The following TAFA5 variants were observed in gnomAD, a reference collection of about 807,000 sequenced individuals.
TAFA5 encodes the protein chemokine-like protein TAFA-5.
In TAFA5, 6 loss-of-function variants were observed where a neutral mutation model predicts 15.3. That is an observed-to-expected ratio of 0.39 (90% CI 0.21 to 0.77). The LOEUF is 0.77. Among genes scored for constraint, TAFA5 ranks in the 30% least tolerant of loss-of-function variants. The probability of loss-of-function intolerance (pLI) is 0.41; values close to 1 mark genes in which losing one functional copy is unlikely to be tolerated. For missense variants in TAFA5, 161 were observed against 193.1 expected, an observed-to-expected ratio of 0.83 and a Z score of 0.98; for synonymous variants, 103 against 80.7, an observed-to-expected ratio of 1.28 and a Z score of -1.48.
chr22:48,706,804 C>G (rs984084558), intron 2 of TAFA5, among the ~76,000 whole-genome samples: 1 of 152,172 alleles, frequency 6.6e-6, no homozygotes, highest in Non-Finnish European at 1.5e-5. Flanking sequence ...AATGACTAAT[C>G]GTTCTTTTGA....
chr22:48,713,804 G>T (rs1253568805), intron 3 of TAFA5, among the ~76,000 whole-genome samples: 1 of 152,242 alleles, frequency 6.6e-6, no homozygotes, highest in Non-Finnish European at 1.5e-5. Flanking sequence ...GAGCCTGGAG[G>T]AGGGGCCCAT....
intron 2 of TAFA5, among the ~76,000 whole-genome samples, chr22:48,701,763 A>T (rs550604257): frequency 4.7e-4 from 72 of 152,154 alleles, no homozygotes; most frequent in South Asian, 3.5e-3. Flanking sequence ...CCTCTCGGAG[A>T]CTTCAAGGAG....
At chr22:48,676,184 G>C (rs1473376927) in intron 2 of TAFA5, among the ~76,000 whole-genome samples, 2 of 152,266 alleles carry the variant, frequency 1.3e-5, no homozygotes, top group Admixed American at 1.3e-4. Context: ...AAAGGAACCA[G>C]AGTGTTCTGG....
chr22:48,716,332 G>A (rs1276458459), intron 3 of TAFA5, among the ~76,000 whole-genome samples: 1 of 152,172 alleles, frequency 6.6e-6, no homozygotes, highest in Non-Finnish European at 1.5e-5. Context: ...GGAATACTAT[G>A]CAGCCATAAA....
At chr22:48,502,534 T>G (rs1485688877) in intron 1 of TAFA5, among the ~76,000 whole-genome samples, 4 of 150,918 alleles carry the variant, frequency 2.7e-5, no homozygotes, top group Non-Finnish European at 5.9e-5. Context: ...TTTTTTTTTT[T>G]TTTTTGAGAT....
At chr22:48,506,245 C>T (rs1920995599) in intron 1 of TAFA5, among the ~76,000 whole-genome samples, 1 of 152,184 alleles carries the variant, frequency 6.6e-6, no homozygotes, top group Admixed American at 6.5e-5. Flanking sequence ...GAGGGAAGGC[C>T]CATGGCTGCT....
intron 3 of TAFA5, among the ~76,000 whole-genome samples, chr22:48,731,466 G>C (rs553434592): frequency 5.9e-5 from 9 of 152,374 alleles, no homozygotes; most frequent in African/African-American, 2.2e-4. Context: ...AGAGAAGTCA[G>C]TGCCTGGTTT....
chr22:48,607,769 GC>G (rs142816719), intron 1 of TAFA5, among the ~76,000 whole-genome samples: 19,245 of 151,822 alleles, frequency 0.13, 1,322 homozygotes, highest in African/African-American at 0.16. Context: ...TCTGCAGCAG[GC>G]AGACCCAAAG....
At chr22:48,603,986 GC>G (rs1313820206) in intron 1 of TAFA5, among the ~76,000 whole-genome samples, 1 of 152,174 alleles carries the variant, frequency 6.6e-6, no homozygotes. Flanking sequence ...GACCTTGTGG[GC>G]CCCGATGACA....
chr22:48,540,431 G>T (rs1239157305), intron 1 of TAFA5, among the ~76,000 whole-genome samples: 4 of 152,150 alleles, frequency 2.6e-5, no homozygotes, highest in Admixed American at 6.5e-5. Flanking sequence ...CCCGCCATGG[G>T]AACGATGACC....
chr22:48,533,757 A>G (rs5768709), intron 1 of TAFA5, among the ~76,000 whole-genome samples: 54,551 of 151,792 alleles, frequency 0.36, 9,988 homozygotes, highest in Middle Eastern at 0.47. Flanking sequence ...GGACATTTTC[A>G]CATTTCCCCA....
At chr22:48,702,986 T>C (rs961199133) in intron 2 of TAFA5, among the ~76,000 whole-genome samples, 32 of 152,372 alleles carry the variant, frequency 2.1e-4, no homozygotes, top group African/African-American at 7.5e-4. Context: ...TGCTTGTCCC[T>C]TTGTTCTGCA....
chr22:48,572,892 G>C (rs570078984), intron 1 of TAFA5, among the ~76,000 whole-genome samples: 8 of 152,350 alleles, frequency 5.3e-5, no homozygotes, highest in South Asian at 2.1e-4. Flanking sequence ...CTTTTTGTTG[G>C]TGACAAAGTC....
chr22:48,693,662 C>G (rs1228099161), intron 2 of TAFA5, among the ~76,000 whole-genome samples: 2 of 152,098 alleles, frequency 1.3e-5, no homozygotes, highest in Non-Finnish European at 2.9e-5. Context: ...CTGTCTCAGT[C>G]CCGCACCACA....
intron 2 of TAFA5, among the ~76,000 whole-genome samples, chr22:48,689,193 G>C (rs558681189): frequency 3.9e-5 from 6 of 152,206 alleles, no homozygotes; most frequent in Admixed American, 2.6e-4. Flanking sequence ...GGGAGGCGCG[G>C]TTTTCAAAAA....
chr22:48,503,507 CA>C (rs1326451862), intron 1 of TAFA5, among the ~76,000 whole-genome samples: 7 of 152,354 alleles, frequency 4.6e-5, no homozygotes, highest in African/African-American at 1.7e-4. Context: ...AACGCATCAC[CA>C]AAAGTGCCAG....
At chr22:48,737,789 C>T (rs983197816) in intron 3 of TAFA5, among the ~76,000 whole-genome samples, 3 of 152,222 alleles carry the variant, frequency 2.0e-5, no homozygotes, top group African/African-American at 7.2e-5. Flanking sequence ...CCAGGGCCTC[C>T]GCAGGGCAAA....
At chr22:48,713,304 G>A (rs540606566) in intron 3 of TAFA5, among the ~76,000 whole-genome samples, 111 of 152,302 alleles carry the variant, frequency 7.3e-4, no homozygotes, top group Non-Finnish European at 1.2e-3. Context: ...CTGATCTCGT[G>A]GGGGCTCGGA....
chr22:48,650,020 T>A (rs1042171995), intron 2 of TAFA5, among the ~76,000 whole-genome samples: 11 of 152,346 alleles, frequency 7.2e-5, no homozygotes, highest in African/African-American at 2.6e-4. Context: ...TTAGTTAGCT[T>A]AGTTAGCTTT....
Sources: gnomAD v4.1 joint callset for allele counts (sites outside exome capture counted in the v4.1 genomes callset) on GRCh38, gnomAD v4.1.1 for gene constraint, MANE v1.5 for transcripts, NCBI Gene and HGNC (gene_info 2026-07-23, HGNC 2026-07-21) for gene names.